The following ZSCAN26 variants were observed in gnomAD, a reference collection of about 807,000 sequenced individuals.
ZSCAN26 encodes the protein zinc finger and SCAN domain containing 26, also known as zinc finger and SCAN domain-containing protein 26.
Under a neutral mutation model 23.0 loss-of-function variants are expected in ZSCAN26, and 26 were observed. That is an observed-to-expected ratio of 1.13 (90% CI 0.83 to 1.57). The LOEUF is 1.57. ZSCAN26 is among the 40% of genes most tolerant of loss of function. ZSCAN26 has a pLI of 0.00. For synonymous variants in ZSCAN26, 180 were observed against 202.5 expected (o/e 0.89, Z 0.94); for missense variants, 528 against 568.5 (o/e 0.93, Z 0.72).
rs2394049 is a variant in ZSCAN26, at chr6:28,271,903, A to G, written c.-17A>G. ...AAGAAAGTTCTCCAAAACAAGGAGA[A>G]CAGTCTGAAGCTGGGGATGGCAACA... On this transcript the variant is annotated 5_prime_UTR_variant, in exon 2 of 4. Coordinates refer to ENST00000421553, the MANE Select transcript of ZSCAN26 (RefSeq NM_001023560.4). The G allele has an allele frequency of 0.45, 689,071 of 1,534,516 alleles. 164,600 individuals are homozygous for G. The highest frequency in any genetic ancestry group is 0.89 in the African/African-American group (64,099 of 72,368).
rs1269904774 is a variant in ZSCAN26, at chr6:28,272,052, C to T, written c.133C>T (p.Leu45Phe). ...GFKLQGNSKGLGQEPLCKQFR... is the reference protein window; with the variant it reads ...GFKLQGNSKGFGQEPLCKQFR... ...CAAGCTGCAAGGAAACAGTAAAGGC[C>T]TTGGACAGGAGCCATTGTGCAAACA... Residue 45 changes from leucine (L) to phenylalanine (F), a missense_variant, in exon 2 of 4, where the codon CTT (leucine) becomes TTT (phenylalanine). Leu to Phe is a conservative substitution (Grantham distance 22). Transcript: ENST00000421553. 7 of 1,554,226 alleles carry T rather than the reference C, an allele frequency of 4.5e-6. No homozygotes were observed. Among genetic ancestry groups the T allele is most frequent in the Middle Eastern group, 1.7e-4 (1 of 6,020 alleles).
At chr6:28,272,841 C>T in intron 3 of ZSCAN26, 54 bp downstream of exon 3, 6 of 1,471,026 alleles carry the variant, frequency 4.1e-6, no homozygotes, top group Non-Finnish European at 5.7e-6. Flanking sequence ...TGTGCCTTTC[C>T]CTCTGAGGTT....
Position 28,276,606 on chromosome 6 carries a change from G to T in ZSCAN26, c.950G>T (p.Gly317Val). ...GEKPYQCNEC[G>V]KVFSQNAGLL... ...AAGCCTTATCAGTGCAATGAGTGTG[G>T]CAAAGTCTTTAGCCAGAATGCAGGC... Residue 317 changes from glycine to valine, a missense_variant, in exon 4 of 4, where the codon GGC (glycine) becomes GTC (valine). Transcript: ENST00000421553. 1 of 1,612,434 alleles carries T rather than the reference G, an allele frequency of 6.2e-7. No homozygotes were observed. Among genetic ancestry groups the T allele is most frequent in the Non-Finnish European group, 8.5e-7 (1 of 1,179,180 alleles).
At chr6:28,272,834 G>A (rs1761759834) in intron 3 of ZSCAN26, 47 bp downstream of exon 3, 1 of 1,520,826 alleles carries the variant, frequency 6.6e-7, no homozygotes, top group African/African-American at 1.4e-5. Context: ...GGTGGACTGT[G>A]CCTTTCCCTC....
rs1158243219 is a variant in ZSCAN26 at position 28,276,711 on chromosome 6, C to T, written c.1055C>T (p.Ser352Phe). Reference sequence around the variant, plus strand: ...TGTGGAAAAAATTTTAGGCGCAGCTCTCACCTTAATCGACATCAGAGAATT... The same window carrying T: ...TGTGGAAAAAATTTTAGGCGCAGCTTTCACCTTAATCGACATCAGAGAATT... ...IHCGKNFRRS[S>F]HLNRHQRIHS... is the part of the protein sequence containing the mutation. Residue 352 changes from serine (S) to phenylalanine (F), a missense_variant, in exon 4 of 4, where the codon TCT becomes TTT. Transcript: ENST00000421553. 1.2e-6 allele frequency: 2 copies of T among 1,613,352 alleles called. No homozygotes were observed. The highest frequency in any genetic ancestry group is 2.2e-5 in the East Asian group (1 of 44,864).
chr6:28,270,684 C>G (rs1345374575), intron 1 of ZSCAN26, among the ~76,000 whole-genome samples: 1 of 152,168 alleles, frequency 6.6e-6, no homozygotes, highest in African/African-American at 2.4e-5. Context: ...AGTTTCTGCC[C>G]TATCTTTCTT....
At chr6:28,273,105 C>T (rs2113720676) in intron 3 of ZSCAN26, among the ~76,000 whole-genome samples, 1 of 152,232 alleles carries the variant, frequency 6.6e-6, no homozygotes, top group Middle Eastern at 3.4e-3. Flanking sequence ...GCTCTTCTTC[C>T]TCTTACTGTA....
rs771309593 is a variant in ZSCAN26, at chr6:28,277,008, A to G, written c.1352A>G (p.Tyr451Cys). Reference sequence around the variant, plus strand: ...AGAATCCACAATGAAGAAAAACCCTATCAGTGTAGTGAATGTGGAGAAGCC... The same window carrying G: ...AGAATCCACAATGAAGAAAAACCCTGTCAGTGTAGTGAATGTGGAGAAGCC... ...HVRIHNEEKP[Y>C]QCSECGEAFR... Residue 451 changes from tyrosine to cysteine, a missense_variant, in exon 4 of 4, where the codon TAT (tyrosine) becomes TGT (cysteine). Physicochemically the swap from Tyr to Cys is radical, Grantham distance 194. Transcript: ENST00000421553. 3.1e-6 allele frequency: 5 copies of G among 1,613,884 alleles called. No homozygotes were observed. The highest frequency in any genetic ancestry group is 2.7e-5 in the African/African-American group (2 of 74,940).
chr6:28,277,251 G>A lies in ZSCAN26; in HGVS notation c.*155G>A. 1 of 717,556 alleles carries A rather than the reference G, an allele frequency of 1.4e-6. No individual in the cohort carries two copies. Among genetic ancestry groups the A allele is most frequent in the Non-Finnish European group, 2.3e-6 (1 of 440,066 alleles). 44.4% of individuals were successfully genotyped at this position (717,556 alleles called of 1,614,324 possible). On this transcript the variant is annotated 3_prime_UTR_variant, in exon 4 of 4. Transcript: ENST00000421553. ...CTATTCTCTCTCCTTTGCTTTCCTT[G>A]AAGTCAGCTTTGGACCACAATAATT...
Position 28,276,111 on chromosome 6 carries a change from A to C in ZSCAN26, c.539-84A>C, listed in dbSNP as rs1011335536. The C allele has an allele frequency of 4.0e-6, 5 of 1,263,234 alleles. No homozygotes were observed. The East Asian group carries it at 1.2e-4, about 30-fold the overall frequency. 78.3% of individuals were successfully genotyped at this position (1,263,234 alleles called of 1,614,324 possible). A position where few individuals can be genotyped will look rare whatever the true frequency, so the allele number is the denominator to read the frequency against. On this transcript the variant is annotated intron_variant, in intron 3 of 3. Coordinates refer to ENST00000421553, the MANE Select transcript of ZSCAN26 (RefSeq NM_001023560.4). ...TTTACTTTGCACACATGGCTTCATT[A>C]TATTTTTTTTTCCTTTTAGTTGCAG... is the stretch of plus-strand genomic sequence containing the variant.
rs1761701578 is a variant in ZSCAN26, at chr6:28,271,908, CTG to C, written c.-11_-10del. 2 of 1,544,582 alleles carry C rather than the reference CTG, an allele frequency of 1.3e-6. No homozygotes were observed. Among genetic ancestry groups the C allele is most frequent in the South Asian group, 2.4e-5 (2 of 83,000 alleles). ...AGTTCTCCAAAACAAGGAGAACAGT[CTG>C]AAGCTGGGGATGGCAACAGCATTGG... On this transcript the variant is annotated 5_prime_UTR_variant, in exon 2 of 4. Transcript: ENST00000421553.
At position 28,277,226 on chromosome 6, in the gene ZSCAN26, C is replaced by T; in HGVS notation, c.*130C>T. 1 of 849,638 alleles carries T rather than the reference C, an allele frequency of 1.2e-6. No homozygotes were observed. Among genetic ancestry groups the T allele is most frequent in the Non-Finnish European group, 1.8e-6 (1 of 549,534 alleles). The allele number at this position is 849,638 out of a possible 1,614,324, so 52.6% of individuals were successfully genotyped here. A position where few individuals can be genotyped will look rare whatever the true frequency, so the allele number is the denominator to read the frequency against. On this transcript the variant is annotated 3_prime_UTR_variant, in exon 4 of 4. Transcript: ENST00000421553. ...GGGCTGAGTTGGAGGCTCCCTGCCT[C>T]TATTCTCTCTCCTTTGCTTTCCTTG...
Position 28,272,335 on chromosome 6 carries a change from A to C in ZSCAN26, c.416A>C (p.Gln139Pro). 13 of 1,526,188 alleles carry C rather than the reference A, an allele frequency of 8.5e-6. No individual in the cohort carries two copies. Among genetic ancestry groups the C allele is most frequent in the Non-Finnish European group, 1.1e-5 (13 of 1,134,514 alleles). 94.5% of individuals were successfully genotyped at this position (1,526,188 alleles called of 1,614,324 possible). Residue 139 changes from glutamine (Q) to proline (P), a missense_variant, in exon 2 of 4, where the codon CAG (glutamine) becomes CCG (proline). Physicochemically the swap from Gln to Pro is moderately conservative, Grantham distance 76 (BLOSUM62 -1). Coordinates refer to ENST00000421553, the MANE Select transcript of ZSCAN26 (RefSeq NM_001023560.4). ...LQLDLGETGQQVDPDQPKKQK... is the reference protein window; with the variant it reads ...LQLDLGETGQPVDPDQPKKQK... ...CTGGATCTTGGAGAAACAGGACAAC[A>C]GGTGGTAAGGGTCAGATGTGCTCTT...
intron 1 of ZSCAN26, among the ~76,000 whole-genome samples, chr6:28,270,509 C>G (rs1318848366): frequency 6.6e-6 from 1 of 152,172 alleles, no homozygotes; most frequent in Non-Finnish European, 1.5e-5. Context: ...TCATTTTTGA[C>G]ATGTTGGATT....
chr6:28,277,170 G>C lies in ZSCAN26; in HGVS notation c.*74G>C. ...AAACAGCACTTTAGGAAAAGTCACC[G>C]TAGCCCACTGTGGCATCAGAAAATT... On this transcript the variant is annotated 3_prime_UTR_variant, in exon 4 of 4. Coordinates refer to ENST00000421553, the MANE Select transcript of ZSCAN26 (RefSeq NM_001023560.4). 2 of 1,460,908 alleles carry C rather than the reference G, an allele frequency of 1.4e-6. No homozygotes were observed. The highest frequency in any genetic ancestry group is 1.3e-5 in the South Asian group (1 of 74,500). The allele number at this position is 1,460,908 out of a possible 1,614,324, so 90.5% of individuals were successfully genotyped here. A position where few individuals can be genotyped will look rare whatever the true frequency, so the allele number is the denominator to read the frequency against.
chr6:28,272,910 C>T, intron 3 of ZSCAN26, 123 bp downstream of exon 3: 1 of 706,012 alleles, frequency 1.4e-6, no homozygotes, highest in Non-Finnish European at 2.4e-6. Flanking sequence ...TTTACTGAAG[C>T]ATAATTTATA....
chr6:28,268,383 T>G (rs1761529850), intron 1 of ZSCAN26, among the ~76,000 whole-genome samples: 1 of 152,138 alleles, frequency 6.6e-6, no homozygotes, highest in African/African-American at 2.4e-5. Flanking sequence ...AATAAAGTAC[T>G]TTATTAGATC....
At position 28,277,763 on chromosome 6, in the gene ZSCAN26, T is replaced by A. The variant is rs1275608224; in HGVS notation, c.*667T>A. On this transcript the variant is annotated 3_prime_UTR_variant, in exon 4 of 4. Coordinates refer to ENST00000421553, the MANE Select transcript of ZSCAN26 (RefSeq NM_001023560.4). ...CACCACATTATGTCAAGATTCAAGT[T>A]ATAAATTAACGTTTTACTTAGACTT... 2.0e-5 allele frequency: 3 copies of A among 152,252 alleles called. No individual in the cohort carries two copies. The highest frequency in any genetic ancestry group is 7.2e-5 in the African/African-American group (3 of 41,466). The allele number at this position is 152,252 out of a possible 1,614,324, so 9.4% of individuals were successfully genotyped here.
chr6:28,276,752 C>T lies in ZSCAN26; in HGVS notation c.1096C>T (p.Pro366Ser). 6.2e-7 allele frequency: 1 copy of T among 1,613,852 alleles called. No individual in the cohort carries two copies. The highest frequency in any genetic ancestry group is 8.5e-7 in the Non-Finnish European group (1 of 1,179,838). Residue 366 changes from proline (P) to serine (S), a missense_variant, in exon 4 of 4, where the codon CCC (proline) becomes TCC (serine). By Grantham distance (74) the Pro-to-Ser change is moderately conservative. Transcript: ENST00000421553. ...RHQRIHSQEE[P>S]CECKECGKTF... ...TCAGAGAATTCACAGTCAGGAGGAG[C>T]CCTGTGAGTGCAAGGAGTGTGGAAA...
Sources: allele counts gnomAD v4.1 joint callset (sites outside exome capture counted in the v4.1 genomes callset), GRCh38; gene constraint gnomAD v4.1.1; transcripts MANE v1.5; gene names NCBI Gene and HGNC (gene_info 2026-07-23, HGNC 2026-07-21).